Variants in TCF4 observed in about 807,000 individuals in gnomAD.
The protein encoded by TCF4 is transcription factor 4, also known as SL3-3 enhancer factor 2.
Under a neutral mutation model 82.1 loss-of-function variants are expected in TCF4, and 3 were observed. The ratio of observed to expected loss-of-function variants is 0.04; its 90% CI spans 0.02 to 0.09. The LOEUF is 0.09. TCF4 is among the 10% of genes least tolerant of loss of function. The probability of loss-of-function intolerance (pLI) is 1.00; values close to 1 mark genes in which losing one functional copy is unlikely to be tolerated. For missense variants in TCF4, 518 were observed against 852.7 expected, an observed-to-expected ratio of 0.61 and a Z score of 4.89; for synonymous variants, 276 against 309.6, an observed-to-expected ratio of 0.89 and a Z score of 1.14.
At position 55,275,763 on chromosome 18, in the gene TCF4, C is replaced by T; in HGVS notation, c.656-11G>A. The T allele has an allele frequency of 6.2e-7, 1 of 1,613,654 alleles. No individual in the cohort carries two copies. ...TGCTGTGATGGCCATCTGTAAAGGA[C>T]AAAGACAACCATGACTTTCTGAGGC... is the stretch of plus-strand genomic sequence containing the variant. On this transcript the variant is annotated splice_polypyrimidine_tract_variant and intron_variant, in intron 9 of 19. Coordinates refer to ENST00000354452, the MANE Select transcript of TCF4 (RefSeq NM_001083962.2).
intron 8 of TCF4, among the ~76,000 whole-genome samples, chr18:55,295,911 C>A (rs1053899764): frequency 6.6e-6 from 1 of 152,076 alleles, no homozygotes; most frequent in African/African-American, 2.4e-5. Flanking sequence ...CCTTAAGGAG[C>A]CTGTACACCC....
intron 6 of TCF4, among the ~76,000 whole-genome samples, chr18:55,373,762 G>A (rs1603410064): frequency 6.6e-6 from 1 of 152,058 alleles, no homozygotes; most frequent in Non-Finnish European, 1.5e-5. Flanking sequence ...GCACTGAGCT[G>A]AGATCGTGCC....
At chr18:55,291,600 T>G (rs543804313) in intron 8 of TCF4, among the ~76,000 whole-genome samples, 1 of 152,178 alleles carries the variant, frequency 6.6e-6, no homozygotes, top group Non-Finnish European at 1.5e-5. Flanking sequence ...AATTACCAAA[T>G]GTATGACTCT....
intron 5 of TCF4, among the ~76,000 whole-genome samples, chr18:55,410,675 C>T (rs1331721769): frequency 4.6e-5 from 7 of 152,014 alleles, no homozygotes; most frequent in African/African-American, 1.4e-4. Context: ...GGCTTTCCCA[C>T]AATATGCCAC....
At position 55,403,432 on chromosome 18, in the gene TCF4, C is replaced by T. The variant is rs59456155; in HGVS notation, c.369+22G>A. Reference sequence around the variant, plus strand: ...ACCAGGTTAATCCTCTCAACCCTTCCGCAACAGAGATTCTCACTTACCTGG... The same window carrying T: ...ACCAGGTTAATCCTCTCAACCCTTCTGCAACAGAGATTCTCACTTACCTGG... On this transcript the variant is annotated intron_variant, in intron 6 of 19. Coordinates refer to ENST00000354452, the MANE Select transcript of TCF4 (RefSeq NM_001083962.2). 490 of 1,613,230 alleles carry T rather than the reference C, an allele frequency of 3.0e-4. No individual in the cohort carries two copies. The African/African-American group carries it at 5.9e-3, about 19-fold the overall frequency.
chr18:55,605,713 A>G (rs1460998995), intron 2 of TCF4, among the ~76,000 whole-genome samples: 1 of 152,248 alleles, frequency 6.6e-6, no homozygotes, highest in East Asian at 1.9e-4. Context: ...TGCGGCTACA[A>G]TCACATATAG....
chr18:55,407,092 G>A (rs1437520772), intron 5 of TCF4, among the ~76,000 whole-genome samples: 1 of 151,940 alleles, frequency 6.6e-6, no homozygotes, highest in African/African-American at 2.4e-5. Flanking sequence ...GGGGGGCGGG[G>A]GGAGATTCTG....
At chr18:55,558,250 T>C (rs1257590731) in intron 3 of TCF4, among the ~76,000 whole-genome samples, 1 of 152,114 alleles carries the variant, frequency 6.6e-6, no homozygotes, top group Non-Finnish European at 1.5e-5. Context: ...TCTGAGCCAG[T>C]AGAAACTTGT....
chr18:55,561,157 A>T (rs1603623175), intron 3 of TCF4, among the ~76,000 whole-genome samples: 1 of 152,138 alleles, frequency 6.6e-6, no homozygotes, highest in African/African-American at 2.4e-5. Flanking sequence ...AAGAATCCCT[A>T]CTCATCCTTC....
At chr18:55,569,551 T>TA (rs993600108) in intron 3 of TCF4, among the ~76,000 whole-genome samples, 8 of 151,222 alleles carry the variant, frequency 5.3e-5, no homozygotes, top group East Asian at 2.0e-4. Flanking sequence ...TCTCTAAAAA[T>TA]AAAAAATAAA....
At chr18:55,533,937 T>C (rs2097092865) in intron 3 of TCF4, among the ~76,000 whole-genome samples, 1 of 152,240 alleles carries the variant, frequency 6.6e-6, no homozygotes, top group Non-Finnish European at 1.5e-5. Flanking sequence ...ACAGGTTAAG[T>C]ATCCCTTATC....
chr18:55,625,068 A>G (rs2097725166), intron 2 of TCF4, among the ~76,000 whole-genome samples: 1 of 152,190 alleles, frequency 6.6e-6, no homozygotes. Context: ...GGCTTTCTAT[A>G]TTCAAAGTCT....
chr18:55,418,979 T>C (rs1316526351), intron 5 of TCF4, among the ~76,000 whole-genome samples: 1 of 152,144 alleles, frequency 6.6e-6, no homozygotes, highest in Admixed American at 6.6e-5. Flanking sequence ...ACAGAGTGCA[T>C]TGGGCCATTG....
chr18:55,314,333 T>C (rs1307179728), intron 8 of TCF4, among the ~76,000 whole-genome samples: 1 of 152,152 alleles, frequency 6.6e-6, no homozygotes, highest in Non-Finnish European at 1.5e-5. Flanking sequence ...TCCTCTGATT[T>C]GTCAGTTTAG....
intron 5 of TCF4, among the ~76,000 whole-genome samples, chr18:55,454,407 G>A (rs556444517): frequency 8.5e-5 from 13 of 152,160 alleles, no homozygotes; most frequent in African/African-American, 2.4e-4. Context: ...TTCATTCAAC[G>A]TTTAAACCCT....
At chr18:55,576,004 G>C (rs894269455) in intron 3 of TCF4, among the ~76,000 whole-genome samples, 1 of 152,144 alleles carries the variant, frequency 6.6e-6, no homozygotes, top group Admixed American at 6.5e-5. Flanking sequence ...TGATGCCAGT[G>C]ATGATAATAA....
At chr18:55,232,321 G>A (rs1418711332) in intron 17 of TCF4, 188 bp downstream of exon 17, 4 of 642,994 alleles carry the variant, frequency 6.2e-6, no homozygotes, top group Non-Finnish European at 1.0e-5. Context: ...TGCCAAAACA[G>A]TTTAGGCTCC....
At chr18:55,508,536 T>G (rs971251715) in intron 3 of TCF4, among the ~76,000 whole-genome samples, 2 of 152,226 alleles carry the variant, frequency 1.3e-5, no homozygotes, top group Non-Finnish European at 2.9e-5. Flanking sequence ...CAATGTTAGA[T>G]GCATTCACTC....
chr18:55,259,162 C>T (rs1389763205), intron 13 of TCF4, among the ~76,000 whole-genome samples: 1 of 152,088 alleles, frequency 6.6e-6, no homozygotes, highest in Non-Finnish European at 1.5e-5. Context: ...CTATAAATTA[C>T]AGTAAGGTAA....
Sources: allele counts gnomAD v4.1 joint callset (sites outside exome capture counted in the v4.1 genomes callset), GRCh38; gene constraint gnomAD v4.1.1; transcripts MANE v1.5; gene names NCBI Gene and HGNC (gene_info 2026-07-23, HGNC 2026-07-21).